CSRNP3: variants seen among roughly 807,000 people sequenced by gnomAD.
The protein encoded by CSRNP3 is cysteine/serine-rich nuclear protein 3.
CSRNP3 carries 12 observed loss-of-function variants against 48.0 expected under a neutral mutation model. That is an observed-to-expected ratio of 0.25 (90% CI 0.16 to 0.41). The LOEUF (loss-of-function observed/expected upper bound fraction) is 0.41. CSRNP3 is among the 10% of genes least tolerant of loss of function. CSRNP3 has a pLI of 1.00. For missense variants in CSRNP3, 580 were observed against 724.4 expected (o/e 0.80, Z 2.29); for synonymous variants, 263 against 269.7 (o/e 0.98, Z 0.24).
At position 165,686,025 on chromosome 2, in the gene CSRNP3, C is replaced by T. The variant is rs1234247753; in HGVS notation, c.*6272C>T. 1 of 151,986 alleles carries T rather than the reference C, an allele frequency of 6.6e-6. No homozygotes were observed. The highest frequency in any genetic ancestry group is 6.6e-5 in the Admixed American group (1 of 15,238). 9.4% of individuals were successfully genotyped at this position (151,986 alleles called of 1,614,324 possible). On this transcript the variant is annotated 3_prime_UTR_variant, in exon 7 of 7. Transcript: ENST00000651982. ...CCATTGTCTAAGTTAATTTATGTGA[C>T]CTGATTGAACAGTTTTAGTTGTAAC...
At chr2:165,537,782 C>T (rs933354027) in intron 3 of CSRNP3, among the ~76,000 whole-genome samples, 2 of 151,710 alleles carry the variant, frequency 1.3e-5, no homozygotes, top group Non-Finnish European at 2.9e-5. Flanking sequence ...CTATTTTCTT[C>T]TCTTTGTATT....
At chr2:165,565,638 G>A (rs1301811556) in intron 3 of CSRNP3, among the ~76,000 whole-genome samples, 1 of 151,924 alleles carries the variant, frequency 6.6e-6, no homozygotes, top group Non-Finnish European at 1.5e-5. Flanking sequence ...CTGACTATAT[G>A]AACAAGAAAG....
chr2:165,662,671 A>G (rs939412964), intron 5 of CSRNP3, among the ~76,000 whole-genome samples: 1 of 152,212 alleles, frequency 6.6e-6, no homozygotes, highest in African/African-American at 2.4e-5. Context: ...TTTAAAGAAC[A>G]TTGGTGTTCC....
Position 165,688,801 on chromosome 2 carries a change from A to C in CSRNP3, c.*9048A>C, listed in dbSNP as rs76111360. 1 of 138,072 alleles carries C rather than the reference A, an allele frequency of 7.2e-6. No homozygotes were observed. The highest frequency in any genetic ancestry group is 3.2e-5 in the African/African-American group (1 of 31,004). 8.6% of individuals were successfully genotyped at this position (138,072 alleles called of 1,614,324 possible). On this transcript the variant is annotated 3_prime_UTR_variant, in exon 7 of 7. Coordinates refer to ENST00000651982, the MANE Select transcript of CSRNP3 (RefSeq NM_001172173.2). ...TATTTTTTGTTTGTTTGTTGCTGGC[A>C]AAAAAAAAAGTAACTTTAAAAACTC... is the stretch of plus-strand genomic sequence containing the variant.
chr2:165,582,350 A>G (rs1685561870), intron 3 of CSRNP3, among the ~76,000 whole-genome samples: 1 of 152,254 alleles, frequency 6.6e-6, no homozygotes, highest in Non-Finnish European at 1.5e-5. Context: ...TAGGAAAGAC[A>G]GGTACTGTCT....
chr2:165,666,909 G>A (rs111064393), intron 5 of CSRNP3, among the ~76,000 whole-genome samples: 72,402 of 72,784 alleles, frequency 0.99, 36,065 homozygotes, highest in South Asian at 1. Flanking sequence ...AAAAGGAAGG[G>A]CGGAAGGAAG....
At chr2:165,565,795 G>T (rs1250943784) in intron 3 of CSRNP3, among the ~76,000 whole-genome samples, 1 of 152,002 alleles carries the variant, frequency 6.6e-6, no homozygotes, top group Admixed American at 6.6e-5. Flanking sequence ...AAGCATGGAG[G>T]TGGATTTCCT....
In CSRNP3 at chr2:165,576,322, C is replaced by T. The variant is rs188491892; in HGVS notation, c.-23-18721C>T. ...TTTAATTTTATATTTAATTCAGTAG[C>T]GCCTGTAGTTTGTGTCTACTAATCC... On this transcript the variant is annotated intron_variant, in intron 3 of 6. Coordinates refer to ENST00000651982, the MANE Select transcript of CSRNP3 (RefSeq NM_001172173.2). Among the ~76,000 whole-genome samples, 7 of 151,892 alleles carry T rather than the reference C, an allele frequency of 4.6e-5. No homozygotes were observed. The East Asian group carries it at 5.8e-4, about 13-fold the overall frequency.
At chr2:165,560,336 C>T (rs1685216514) in intron 3 of CSRNP3, among the ~76,000 whole-genome samples, 1 of 152,116 alleles carries the variant, frequency 6.6e-6, no homozygotes. Context: ...TTTTGTAAAG[C>T]CGTTTTGAAA....
chr2:165,617,306 T>C (rs886364503), intron 4 of CSRNP3, among the ~76,000 whole-genome samples: 5 of 152,234 alleles, frequency 3.3e-5, no homozygotes, highest in African/African-American at 9.6e-5. Context: ...GAGGTAGCTT[T>C]CATATGGAAA....
Position 165,490,120 on chromosome 2 carries a change from G to T in CSRNP3, c.-282-4639G>T, listed in dbSNP as rs1358225734. Among the ~76,000 whole-genome samples, 4 of 148,790 alleles carry T rather than the reference G, an allele frequency of 2.7e-5. No homozygotes were observed. In the East Asian group the frequency reaches 8.1e-4, roughly 30 times the overall value. On this transcript the variant is annotated intron_variant, in intron 1 of 6. Coordinates refer to ENST00000651982, the MANE Select transcript of CSRNP3 (RefSeq NM_001172173.2). Reference sequence around the variant, plus strand: ...CAAAGTCTCAGGATACAAAATCAATGTACAAAAATCACAAGCATTCTTATA... The same window carrying T: ...CAAAGTCTCAGGATACAAAATCAATTTACAAAAATCACAAGCATTCTTATA...
At chr2:165,625,407 A>G (rs1377846365) in intron 4 of CSRNP3, among the ~76,000 whole-genome samples, 1 of 151,398 alleles carries the variant, frequency 6.6e-6, no homozygotes, top group South Asian at 2.1e-4. Context: ...TGGGTGGATC[A>G]TCTGAGGTCA....
At chr2:165,516,210 T>C (rs1343151011) in intron 2 of CSRNP3, among the ~76,000 whole-genome samples, 1 of 152,174 alleles carries the variant, frequency 6.6e-6, no homozygotes, top group Non-Finnish European at 1.5e-5. Flanking sequence ...TTTCTTGAAC[T>C]GTAATCTCAG....
At chr2:165,543,500 A>G (rs1684984458) in intron 3 of CSRNP3, among the ~76,000 whole-genome samples, 2 of 152,130 alleles carry the variant, frequency 1.3e-5, no homozygotes, top group African/African-American at 4.8e-5. Flanking sequence ...GTTCAAATAC[A>G]TTGTTTTCTA....
chr2:165,500,011 T>C (rs1684334878), intron 2 of CSRNP3, among the ~76,000 whole-genome samples: 1 of 147,964 alleles, frequency 6.8e-6, no homozygotes, highest in African/African-American at 2.5e-5. Flanking sequence ...TTACAATCCT[T>C]AATGTACAAC....
At position 165,474,455 on chromosome 2, in the gene CSRNP3, A is replaced by G. The variant is rs112001422; in HGVS notation, c.-283+4715A>G. Among the ~76,000 whole-genome samples, 1,134 of 152,220 alleles carry G rather than the reference A, an allele frequency of 7.4e-3. 13 individuals are homozygous for G. The highest frequency in any genetic ancestry group is 0.026 in the African/African-American group (1,068 of 41,530). ...TATGTCTTTAAACAATATTTACTAT[A>G]AATTCCTTGGCCTATACTCATTTAA... is the stretch of plus-strand genomic sequence containing the variant. On this transcript the variant is annotated intron_variant, in intron 1 of 6. Transcript: ENST00000651982.
At chr2:165,560,631 T>A (rs1685222440) in intron 3 of CSRNP3, among the ~76,000 whole-genome samples, 1 of 152,216 alleles carries the variant, frequency 6.6e-6, no homozygotes, top group Non-Finnish European at 1.5e-5. Context: ...GAAGCATAAC[T>A]GCAGTTTTGT....
chr2:165,582,410 C>A (rs1685563531), intron 3 of CSRNP3, among the ~76,000 whole-genome samples: 1 of 152,160 alleles, frequency 6.6e-6, no homozygotes, highest in Non-Finnish European at 1.5e-5. Flanking sequence ...ATTCCTCAAG[C>A]CACAAAGTTG....
chr2:165,664,492 G>A (rs998727393), intron 5 of CSRNP3, among the ~76,000 whole-genome samples: 5 of 152,130 alleles, frequency 3.3e-5, no homozygotes, highest in Non-Finnish European at 2.9e-5. Context: ...CCTATTTTCC[G>A]AATTCTGGCT....
Sources: allele counts gnomAD v4.1 joint callset (sites outside exome capture counted in the v4.1 genomes callset), GRCh38; gene constraint gnomAD v4.1.1; transcripts MANE v1.5; gene names NCBI Gene and HGNC (gene_info 2026-07-23, HGNC 2026-07-21).